The following PDE4D variants were observed in gnomAD, a reference collection of about 807,000 sequenced individuals.
PDE4D encodes the protein phosphodiesterase 4D.
PDE4D carries 24 observed loss-of-function variants against 87.4 expected under a neutral mutation model. The observed-to-expected ratio is 0.27, with a 90% CI of 0.20 to 0.39. The LOEUF (loss-of-function observed/expected upper bound fraction) is 0.39. PDE4D is among the 10% of genes least tolerant of loss of function. The probability of loss-of-function intolerance (pLI) is 1.00; values close to 1 mark genes in which losing one functional copy is unlikely to be tolerated. For missense variants in PDE4D, 714 were observed against 1,041.0 expected (o/e 0.69, Z 4.32); for synonymous variants, 384 against 383.2 (o/e 1.00, Z -0.02).
intron 5 of PDE4D, chr5:59,039,620 G>T (rs961638193): frequency 1.4e-5 from 8 of 584,230 alleles, no homozygotes; most frequent in Admixed American, 1.3e-4. Flanking sequence ...CCTCGGCGCT[G>T]CCTGGCTCCT....
intron 1 of PDE4D, among the ~76,000 whole-genome samples, chr5:60,293,145 A>C (rs1423849407): frequency 6.6e-6 from 1 of 151,970 alleles, no homozygotes; most frequent in Non-Finnish European, 1.5e-5. Context: ...ATCAGAAAAA[A>C]AAATTGATGA....
chr5:59,342,310 T>G (rs1778858370), intron 1 of PDE4D, among the ~76,000 whole-genome samples: 1 of 152,166 alleles, frequency 6.6e-6, no homozygotes, highest in African/African-American at 2.4e-5. Context: ...GCTTCATTCC[T>G]TATCTCTGAC....
At chr5:60,483,363 G>T (rs1164913602) in intron 1 of PDE4D, among the ~76,000 whole-genome samples, 1 of 152,094 alleles carries the variant, frequency 6.6e-6, no homozygotes, top group Non-Finnish European at 1.5e-5. Context: ...AGTACTTTTT[G>T]CATATACTAC....
chr5:60,320,233 G>T (rs1055074733), intron 1 of PDE4D, among the ~76,000 whole-genome samples: 12 of 152,238 alleles, frequency 7.9e-5, no homozygotes, highest in African/African-American at 2.9e-4. Flanking sequence ...AACTCAGACT[G>T]CTGTGCTGGC....
chr5:59,326,862 ATTCGC>A (rs1775766970), intron 1 of PDE4D, among the ~76,000 whole-genome samples: 1 of 152,100 alleles, frequency 6.6e-6, no homozygotes, highest in South Asian at 2.1e-4. Flanking sequence ...TTCCTTTCCA[ATTCGC>A]ATATATTTAA....
intron 5 of PDE4D, among the ~76,000 whole-genome samples, chr5:59,055,911 T>A (rs1371756914): frequency 1.3e-5 from 2 of 152,214 alleles, no homozygotes; most frequent in African/African-American, 4.8e-5. Context: ...GGTGCTCAAC[T>A]TCCAAAGCTT....
intron 2 of PDE4D, among the ~76,000 whole-genome samples, chr5:60,046,751 C>T (rs1769312005): frequency 6.6e-6 from 1 of 152,080 alleles, no homozygotes; most frequent in Non-Finnish European, 1.5e-5. Context: ...TTTTGATGTG[C>T]TGCTGGATTT....
intron 2 of PDE4D, among the ~76,000 whole-genome samples, chr5:60,111,338 GTTA>G (rs747867010): frequency 2.6e-5 from 4 of 151,840 alleles, no homozygotes; most frequent in Admixed American, 2.0e-4. Context: ...GATATTTTTG[GTTA>G]TTATTATATG....
intron 1 of PDE4D, among the ~76,000 whole-genome samples, chr5:59,729,352 G>A (rs537187768): frequency 2.0e-5 from 3 of 151,992 alleles, no homozygotes; most frequent in East Asian, 1.9e-4. Flanking sequence ...AGAAAGTTTC[G>A]TATATTTGTG....
chr5:59,038,470 G>C (rs1337753322), intron 6 of PDE4D, among the ~76,000 whole-genome samples: 5 of 152,126 alleles, frequency 3.3e-5, no homozygotes, highest in African/African-American at 4.8e-5. Context: ...TTCTGAGTTT[G>C]AGTGCCCTAG....
intron 6 of PDE4D, among the ~76,000 whole-genome samples, chr5:59,000,591 T>TG (rs1561274701): frequency 6.6e-6 from 1 of 152,064 alleles, no homozygotes. Flanking sequence ...CTTGCAATTC[T>TG]GGGGGGAGGG....
At chr5:60,398,670 T>C (rs947138389) in intron 1 of PDE4D, among the ~76,000 whole-genome samples, 2 of 152,120 alleles carry the variant, frequency 1.3e-5, no homozygotes, top group South Asian at 4.1e-4. Context: ...CATTTTTACT[T>C]TAAGAGAACC....
chr5:59,178,521 T>A (rs1784242282), intron 5 of PDE4D, among the ~76,000 whole-genome samples: 1 of 152,182 alleles, frequency 6.6e-6, no homozygotes, highest in Non-Finnish European at 1.5e-5. Context: ...TAGGAGCTTC[T>A]ATGAGGTCTG....
intron 1 of PDE4D, among the ~76,000 whole-genome samples, chr5:59,535,073 GT>G (rs1490734760): frequency 0.048 from 4,096 of 84,922 alleles, 104 homozygotes; most frequent in African/African-American, 0.094. Flanking sequence ...GTGTGTGTGT[GT>G]GTGGGGGGGG....
chr5:59,178,007 G>C (rs751964936), intron 5 of PDE4D, among the ~76,000 whole-genome samples: 1 of 152,120 alleles, frequency 6.6e-6, no homozygotes, highest in Admixed American at 6.5e-5. Context: ...CAACTTCAGG[G>C]GGAGTGAGCC....
At chr5:59,443,554 C>T (rs1023386757) in intron 1 of PDE4D, among the ~76,000 whole-genome samples, 3 of 151,996 alleles carry the variant, frequency 2.0e-5, no homozygotes, top group South Asian at 4.1e-4. Flanking sequence ...CAGAAAAGGC[C>T]GGGTCATCTG....
intron 1 of PDE4D, among the ~76,000 whole-genome samples, chr5:59,472,013 T>C (rs955308480): frequency 6.6e-6 from 1 of 152,024 alleles, no homozygotes; most frequent in East Asian, 1.9e-4. Context: ...CAGAGGCAGG[T>C]CAGAATATAT....
intron 5 of PDE4D, among the ~76,000 whole-genome samples, chr5:59,154,917 T>C (rs1287372943): frequency 2.0e-5 from 3 of 152,070 alleles, no homozygotes; most frequent in African/African-American, 7.2e-5. Context: ...ACAGATAGAT[T>C]TGGTAGAAGG....
chr5:60,343,816 C>T (rs1369250010), intron 1 of PDE4D, among the ~76,000 whole-genome samples: 1 of 152,090 alleles, frequency 6.6e-6, no homozygotes, highest in African/African-American at 2.4e-5. Context: ...ACACTGTCTC[C>T]AACATATTGT....
Sources: gnomAD v4.1 joint callset for allele counts (sites outside exome capture counted in the v4.1 genomes callset) on GRCh38, gnomAD v4.1.1 for gene constraint, MANE v1.5 for transcripts, NCBI Gene and HGNC (gene_info 2026-07-23, HGNC 2026-07-21) for gene names.